Variants in TMEM132D observed in about 807,000 individuals in gnomAD.
TMEM132D encodes the protein mature OL transmembrane protein.
TMEM132D carries 21 observed loss-of-function variants against 62.3 expected under a neutral mutation model. The observed-to-expected ratio is 0.34, with a 90% CI of 0.24 to 0.49. TMEM132D has a LOEUF of 0.49. Ranked by LOEUF, TMEM132D falls within the 20% of genes least tolerant of loss-of-function variation. The pLI is 0.99. For missense variants in TMEM132D, 1,346 were observed against 1,402.8 expected (o/e 0.96, Z 0.65); for synonymous variants, 621 against 575.6 (o/e 1.08, Z -1.13).
At chr12:129,528,527 A>C (rs1337887292) in intron 3 of TMEM132D, among the ~76,000 whole-genome samples, 1 of 151,998 alleles carries the variant, frequency 6.6e-6, no homozygotes, top group Non-Finnish European at 1.5e-5. Context: ...AGTTCTCTCC[A>C]GTAGAAATCG....
At chr12:129,862,545 G>C (rs1306823464) in intron 1 of TMEM132D, among the ~76,000 whole-genome samples, 3 of 152,170 alleles carry the variant, frequency 2.0e-5, no homozygotes, top group African/African-American at 7.2e-5. Context: ...AATAGGTTCA[G>C]ACTAATTCAC....
chr12:129,539,461 A>G (rs1297623122), intron 2 of TMEM132D, among the ~76,000 whole-genome samples: 11 of 147,550 alleles, frequency 7.5e-5, no homozygotes, highest in Non-Finnish European at 1.6e-4. Context: ...CTGGAGTGCA[A>G]TGGCGCGATC....
At chr12:129,216,701 C>T (rs1228378195) in intron 4 of TMEM132D, among the ~76,000 whole-genome samples, 1 of 152,210 alleles carries the variant, frequency 6.6e-6, no homozygotes, top group Non-Finnish European at 1.5e-5. Context: ...TTCAGTACAG[C>T]AGCACTAGGA....
chr12:129,709,462 G>T (rs1413689716), intron 1 of TMEM132D, among the ~76,000 whole-genome samples: 1 of 152,302 alleles, frequency 6.6e-6, no homozygotes, highest in Non-Finnish European at 1.5e-5. Context: ...TTATGAGACT[G>T]TAAAAAACTC....
chr12:129,579,918 G>C (rs968693635), intron 2 of TMEM132D, among the ~76,000 whole-genome samples: 8 of 152,154 alleles, frequency 5.3e-5, no homozygotes, highest in Admixed American at 2.0e-4. Flanking sequence ...GGTAAAGTTG[G>C]GTATGAGTGG....
intron 1 of TMEM132D, among the ~76,000 whole-genome samples, chr12:129,875,760 C>CA (rs1874399696): frequency 6.6e-6 from 1 of 152,138 alleles, no homozygotes; most frequent in Non-Finnish European, 1.5e-5. Context: ...CCAGCCAGGG[C>CA]TTCCGATTTT....
At chr12:129,154,202 G>GACAGCTCAGTGGGAC (rs1303672173) in intron 5 of TMEM132D, among the ~76,000 whole-genome samples, 1 of 152,180 alleles carries the variant, frequency 6.6e-6, no homozygotes, top group African/African-American at 2.4e-5. Context: ...TTTGTGGGAT[G>GACAGCTCAGTGGGAC]ACAGCTCAGT....
intron 4 of TMEM132D, among the ~76,000 whole-genome samples, chr12:129,288,843 G>T (rs1881371407): frequency 6.6e-6 from 1 of 152,202 alleles, no homozygotes; most frequent in Non-Finnish European, 1.5e-5. Context: ...GTCCATCAGT[G>T]AATGAGTAGA....
intron 4 of TMEM132D, among the ~76,000 whole-genome samples, chr12:129,270,545 A>C (rs1038782209): frequency 6.6e-6 from 1 of 152,188 alleles, no homozygotes; most frequent in African/African-American, 2.4e-5. Context: ...ACGTCTAGAC[A>C]AATCTCCATC....
rs1339183227 is a variant in TMEM132D, at chr12:129,633,008, A to G, written c.968+66802T>C. The stretch of plus-strand genomic sequence containing the variant: ...ATGTCTGATTCACTTTAAATCCCAC[A>G]TAGGGGTAAGTAGGATGCTTGGCTT... On this transcript the variant is annotated intron_variant, in intron 2 of 8. Coordinates refer to ENST00000422113, the MANE Select transcript of TMEM132D (RefSeq NM_133448.3). 2.6e-5 allele frequency among the ~76,000 whole-genome samples: 4 copies of G among 152,340 alleles called. No homozygotes were observed. The East Asian group carries it at 7.7e-4, about 29-fold the overall frequency.
At chr12:129,640,982 G>A (rs547880745) in intron 2 of TMEM132D, among the ~76,000 whole-genome samples, 104 of 152,150 alleles carry the variant, frequency 6.8e-4, no homozygotes, top group African/African-American at 2.4e-3. Context: ...CCCTCAGATG[G>A]GACCATTTAG....
At chr12:129,848,344 G>C (rs1873429247) in intron 1 of TMEM132D, among the ~76,000 whole-genome samples, 1 of 152,188 alleles carries the variant, frequency 6.6e-6, no homozygotes. Context: ...AAGCATGAAG[G>C]AATTGGGACA....
chr12:129,475,774 A>G (rs886650801), intron 3 of TMEM132D, among the ~76,000 whole-genome samples: 2 of 152,232 alleles, frequency 1.3e-5, no homozygotes, highest in African/African-American at 4.8e-5. Context: ...AAGGGTCTGC[A>G]CCGTGTAAAG....
In TMEM132D at chr12:129,700,162, G is replaced by T. The variant is rs777453627; in HGVS notation, c.616C>A (p.Pro206Thr). 7.4e-6 allele frequency: 12 copies of T among 1,613,042 alleles called. No homozygotes were observed. In the Admixed American group the frequency reaches 8.3e-5, roughly 11 times the overall value. ...TTCCTCCTCCCGGCAACCACCGTGG[G>T]GGGGCTGAACCAGCTGGACAGGAGC... Reference protein sequence around the residue: ...LELLSSWFSPPTVVAGRRKSV... With the variant: ...LELLSSWFSPTTVVAGRRKSV... Residue 206 changes from proline to threonine, a missense_variant, in exon 2 of 9, where the codon CCC becomes ACC. Transcript: ENST00000422113.
rs1027094074 is a variant in TMEM132D at position 129,779,195 on chromosome 12, C to A, written c.80-78497G>T. 6.6e-6 allele frequency among the ~76,000 whole-genome samples: 1 copy of A among 152,154 alleles called. No homozygotes were observed. The highest frequency in any genetic ancestry group is 1.5e-5 in the Non-Finnish European group (1 of 68,038). ...TTAGGAAGGATCCATCTGGAAAGCC[C>A]CATTTGATGCTTTAACATGCAGAGT... On this transcript the variant is annotated intron_variant, in intron 1 of 8. Transcript: ENST00000422113. This position sits in a 1 kb window ranked among gnomAD's most constrained non-coding sequence, Gnocchi z 4.1.
At chr12:129,605,608 C>CT (rs1878601172) in intron 2 of TMEM132D, among the ~76,000 whole-genome samples, 17 of 70,688 alleles carry the variant, frequency 2.4e-4, no homozygotes, top group Admixed American at 2.4e-3. Context: ...TATATATACA[C>CT]ACACATATAT....
chr12:129,199,586 T>C (rs1476650391), intron 5 of TMEM132D, among the ~76,000 whole-genome samples: 1 of 152,220 alleles, frequency 6.6e-6, no homozygotes, highest in Admixed American at 6.5e-5. Context: ...TATCCATTTT[T>C]AAACTGCTCT....
At chr12:129,204,008 A>G (rs1296728513) in intron 5 of TMEM132D, among the ~76,000 whole-genome samples, 1 of 152,238 alleles carries the variant, frequency 6.6e-6, no homozygotes, top group Non-Finnish European at 1.5e-5. Context: ...AACCTCAAAG[A>G]AGAAAAGAGC....
chr12:129,844,301 G>C (rs186035176), intron 1 of TMEM132D, among the ~76,000 whole-genome samples: 1 of 152,226 alleles, frequency 6.6e-6, no homozygotes, highest in Admixed American at 6.5e-5. Context: ...GAAGGAGAGA[G>C]AGCTTGCATG....
Sources: allele counts gnomAD v4.1 joint callset (sites outside exome capture counted in the v4.1 genomes callset), GRCh38; gene constraint gnomAD v4.1.1; non-coding constraint Gnocchi (gnomAD v3.1); transcripts MANE v1.5; gene names NCBI Gene and HGNC (gene_info 2026-07-23, HGNC 2026-07-21).